The following TEK variants were observed in gnomAD, a reference collection of about 807,000 sequenced individuals.
TEK encodes TEK receptor tyrosine kinase.
In TEK, 43 loss-of-function variants were observed where a neutral mutation model predicts 131.8. That is an observed-to-expected ratio of 0.33 (90% CI 0.26 to 0.42). The LOEUF is 0.42. Among genes scored for constraint, TEK ranks in the 10% least tolerant of loss-of-function variants. The probability of loss-of-function intolerance (pLI) is 1.00; values close to 1 mark genes in which losing one functional copy is unlikely to be tolerated. For synonymous variants in TEK, 580 were observed against 491.6 expected (o/e 1.18, Z -2.38); for missense variants, 1,162 against 1,384.4 (o/e 0.84, Z 2.55).
chr9:27,193,345 G>T (rs13298110), intron 11 of TEK, among the ~76,000 whole-genome samples: 1 of 152,140 alleles, frequency 6.6e-6, no homozygotes, highest in African/African-American at 2.4e-5. Context: ...TGGTTTTGAG[G>T]TGAGGATGGG....
At chr9:27,188,491 G>A (rs1039135564) in intron 9 of TEK, among the ~76,000 whole-genome samples, 1 of 152,148 alleles carries the variant, frequency 6.6e-6, no homozygotes, top group Non-Finnish European at 1.5e-5. Context: ...GCATCTGCTG[G>A]TTTAAAGAAA....
At chr9:27,212,154 C>CGTTAGTTT (rs1825658842) in intron 16 of TEK, among the ~76,000 whole-genome samples, 1 of 152,022 alleles carries the variant, frequency 6.6e-6, no homozygotes, top group South Asian at 2.1e-4. Context: ...GGCCAGAGAC[C>CGTTAGTTT]CAATCAGCAA....
At chr9:27,133,135 C>T (rs1047854426) in intron 1 of TEK, among the ~76,000 whole-genome samples, 21 of 152,160 alleles carry the variant, frequency 1.4e-4, no homozygotes, top group Non-Finnish European at 2.4e-4. Context: ...ATAAATACTT[C>T]CTTCTTTTCT....
At position 27,183,699 on chromosome 9, in the gene TEK, C is replaced by A; in HGVS notation, c.1182+89C>A. 5 of 1,504,714 alleles carry A rather than the reference C, an allele frequency of 3.3e-6. No homozygotes were observed. In the South Asian group the frequency reaches 4.5e-5, roughly 14 times the overall value. The allele number at this position is 1,504,714 out of a possible 1,614,324, so 93.2% of individuals were successfully genotyped here. ...ACTAAATGATAGATACCATTCAGTG[C>A]TTTTATCCTCCTAGGCTAGTGTGTT... On this transcript the variant is annotated intron_variant, in intron 8 of 22. Coordinates refer to ENST00000380036, the MANE Select transcript of TEK (RefSeq NM_000459.5).
At chr9:27,174,451 C>T (rs757507945) in intron 6 of TEK, among the ~76,000 whole-genome samples, 4 of 152,114 alleles carry the variant, frequency 2.6e-5, no homozygotes, top group Non-Finnish European at 5.9e-5. Context: ...GATCTATTAA[C>T]CCAATATGTT....
At chr9:27,118,857 T>A (rs554397488) in intron 1 of TEK, among the ~76,000 whole-genome samples, 21 of 152,160 alleles carry the variant, frequency 1.4e-4, no homozygotes, top group Non-Finnish European at 3.1e-4. Context: ...ATGAGCACTT[T>A]GAAAGCAAAA....
chr9:27,181,950 G>A (rs940188103), intron 7 of TEK, among the ~76,000 whole-genome samples: 1 of 151,526 alleles, frequency 6.6e-6, no homozygotes, highest in Non-Finnish European at 1.5e-5. Flanking sequence ...AATATTGGGA[G>A]TGGGGGTGGG....
At position 27,229,442 on chromosome 9, in the gene TEK, G is replaced by A. The variant is rs960269306; in HGVS notation, c.*210G>A. On this transcript the variant is annotated 3_prime_UTR_variant, in exon 23 of 23. Coordinates refer to ENST00000380036, the MANE Select transcript of TEK (RefSeq NM_000459.5). Reference sequence around the variant, plus strand: ...GACTGTATATACTGTTTTAAGAATGGGCTGAAATCAGAATGCCTGTTTGTG... The same window carrying A: ...GACTGTATATACTGTTTTAAGAATGAGCTGAAATCAGAATGCCTGTTTGTG... 5.1e-6 allele frequency: 3 copies of A among 585,244 alleles called. No homozygotes were observed. Among genetic ancestry groups the A allele is most frequent in the Non-Finnish European group, 9.2e-6 (3 of 327,158 alleles). The allele number at this position is 585,244 out of a possible 1,614,324, so 36.3% of individuals were successfully genotyped here. A position where few individuals can be genotyped will look rare whatever the true frequency, so the allele number is the denominator to read the frequency against.
At chr9:27,171,071 T>G (rs1823938651) in intron 4 of TEK, among the ~76,000 whole-genome samples, 1 of 152,192 alleles carries the variant, frequency 6.6e-6, no homozygotes, top group Non-Finnish European at 1.5e-5. Context: ...TATGTGTGAT[T>G]TTTATTTTCA....
At chr9:27,218,655 A>AGGATGTAGACAT in intron 19 of TEK, 122 bp from the exon 20 acceptor site, 1 of 962,156 alleles carries the variant, frequency 1.0e-6, no homozygotes, top group Admixed American at 1.8e-5. Flanking sequence ...GGCCTATCCT[A>AGGATGTAGACAT]GGATGTAGAC....
chr9:27,138,147 G>A (rs1048094234), intron 1 of TEK, among the ~76,000 whole-genome samples: 7 of 152,222 alleles, frequency 4.6e-5, no homozygotes, highest in Non-Finnish European at 7.3e-5. Flanking sequence ...AGCTCATAAA[G>A]GTAGTGCAGA....
intron 6 of TEK, among the ~76,000 whole-genome samples, chr9:27,178,857 A>G (rs944230275): frequency 6.6e-6 from 1 of 152,232 alleles, no homozygotes; most frequent in Admixed American, 6.5e-5. Flanking sequence ...ATTCTACTAT[A>G]AAGAAACAGT....
intron 20 of TEK, among the ~76,000 whole-genome samples, 160 bp downstream of exon 20, chr9:27,218,977 C>G (rs549202431): frequency 1.3e-4 from 20 of 152,102 alleles, no homozygotes; most frequent in African/African-American, 4.1e-4. Context: ...CCATATTTTT[C>G]TTTTTAAAAG....
chr9:27,203,627 T>C (rs2756900), intron 13 of TEK, among the ~76,000 whole-genome samples: 31,264 of 152,128 alleles, frequency 0.21, 3,704 homozygotes, highest in Non-Finnish European at 0.27. Context: ...CCTCTCTGGA[T>C]GCCATACTGT....
intron 1 of TEK, among the ~76,000 whole-genome samples, chr9:27,139,566 C>T (rs1251465959): frequency 1.3e-5 from 2 of 151,822 alleles, no homozygotes; most frequent in Non-Finnish European, 1.5e-5. Flanking sequence ...TTAGGTGATC[C>T]GCCCACCTCG....
intron 16 of TEK, among the ~76,000 whole-genome samples, chr9:27,211,172 T>TATATATATATGA (rs1825605090): frequency 9.4e-6 from 1 of 106,848 alleles, no homozygotes; most frequent in Non-Finnish European, 2.2e-5. Flanking sequence ...TATGTATGTG[T>TATATATATATGA]ATATATATAT....
At chr9:27,166,622 T>G (rs1421199765) in intron 2 of TEK, among the ~76,000 whole-genome samples, 2 of 152,220 alleles carry the variant, frequency 1.3e-5, no homozygotes, top group African/African-American at 4.8e-5. Context: ...TATAATAATT[T>G]TTTCTGTATA....
chr9:27,181,209 C>G (rs1307147597), intron 7 of TEK, among the ~76,000 whole-genome samples: 2 of 152,126 alleles, frequency 1.3e-5, no homozygotes, highest in African/African-American at 4.8e-5. Flanking sequence ...GAAGCCTTAC[C>G]AATAACATAG....
intron 2 of TEK, 77 bp from the exon 3 acceptor site, chr9:27,168,418 C>T (rs2131140819): frequency 1.7e-6 from 2 of 1,148,376 alleles, no homozygotes; most frequent in Middle Eastern, 1.9e-4. Context: ...CCCTCATTTT[C>T]TGAGTCTCAA....
Sources: allele counts gnomAD v4.1 joint callset (sites outside exome capture counted in the v4.1 genomes callset), GRCh38; gene constraint gnomAD v4.1.1; transcripts MANE v1.5; gene names NCBI Gene and HGNC (gene_info 2026-07-23, HGNC 2026-07-21).